Variants in ABHD6 observed in about 807,000 individuals in gnomAD.
ABHD6 encodes monoacylglycerol lipase ABHD6.
In ABHD6, 33 loss-of-function variants were observed where a neutral mutation model predicts 38.8. That is an observed-to-expected ratio of 0.85 (90% CI 0.64 to 1.14). ABHD6 has a LOEUF of 1.14. Among genes scored for constraint, ABHD6 ranks in the 50% most tolerant of loss-of-function variants. ABHD6 has a pLI of 0.00. For missense variants in ABHD6, 380 were observed against 422.6 expected, an observed-to-expected ratio of 0.90 and a Z score of 0.88; for synonymous variants, 147 against 161.6, an observed-to-expected ratio of 0.91 and a Z score of 0.69.
intron 1 of ABHD6, among the ~76,000 whole-genome samples, chr3:58,246,111 A>T (rs2097426218): frequency 6.6e-6 from 1 of 152,186 alleles, no homozygotes; most frequent in Admixed American, 6.5e-5. Context: ...GAAACGTTCA[A>T]ATCAAAGCCT....
At chr3:58,277,112 C>T (rs2097449310) in intron 7 of ABHD6, among the ~76,000 whole-genome samples, 1 of 152,012 alleles carries the variant, frequency 6.6e-6, no homozygotes, top group Non-Finnish European at 1.5e-5. Context: ...TTTTTGGTTC[C>T]ATATGAACTT....
chr3:58,245,348 T>C (rs2097425548), intron 1 of ABHD6, among the ~76,000 whole-genome samples: 1 of 152,130 alleles, frequency 6.6e-6, no homozygotes, highest in Non-Finnish European at 1.5e-5. Flanking sequence ...GTATTTTTAG[T>C]AGAGACAGGA....
At chr3:58,268,089 A>T (rs1047311868) in intron 4 of ABHD6, among the ~76,000 whole-genome samples, 3 of 152,138 alleles carry the variant, frequency 2.0e-5, no homozygotes, top group Admixed American at 2.0e-4. Flanking sequence ...ACAAACAAAC[A>T]AACTAATGCA....
At position 58,271,043 on chromosome 3, in the gene ABHD6, C is replaced by T; in HGVS notation, c.502C>T (p.Leu168=). Reference sequence around the variant, plus strand: ...TTACTACCCATCGGATGTCTCCAGCCTGTGTCTCGTGTGTCCTGCTGGTAA... The same window carrying T: ...TTACTACCCATCGGATGTCTCCAGCTTGTGTCTCGTGTGTCCTGCTGGTAA... ...AAYYPSDVSS[L]CLVCPAGLQY... is the part of the protein sequence containing the mutation. Residue 168 remains leucine (L), a synonymous_variant, in exon 6 of 10, where the codon CTG becomes TTG. Transcript: ENST00000478253. The T allele has an allele frequency of 6.2e-7, 1 of 1,609,108 alleles. No individual in the cohort carries two copies. Among genetic ancestry groups the T allele is most frequent in the South Asian group, 1.1e-5 (1 of 90,216 alleles).
chr3:58,264,348 T>C (rs1239168448), intron 3 of ABHD6, among the ~76,000 whole-genome samples: 4 of 150,678 alleles, frequency 2.7e-5, no homozygotes, highest in African/African-American at 9.7e-5. Context: ...CCAGATTGCT[T>C]TCTTAGAAAG....
chr3:58,254,888 A>G (rs572208921), intron 2 of ABHD6, among the ~76,000 whole-genome samples: 1 of 151,776 alleles, frequency 6.6e-6, no homozygotes, highest in South Asian at 2.1e-4. Flanking sequence ...ACACACATAT[A>G]TATATATAAA....
chr3:58,292,431 G>T (rs1041983256), intron 9 of ABHD6, among the ~76,000 whole-genome samples: 1 of 152,186 alleles, frequency 6.6e-6, no homozygotes, highest in East Asian at 1.9e-4. Context: ...TTCTGAGGGA[G>T]GATGTTGGGG....
chr3:58,277,289 G>T (rs984741655), intron 7 of ABHD6, among the ~76,000 whole-genome samples: 2 of 152,128 alleles, frequency 1.3e-5, no homozygotes, highest in East Asian at 1.9e-4. Flanking sequence ...CTTTTATTTC[G>T]TTGAGCAGTG....
Position 58,266,218 on chromosome 3 carries a change from G to A in ABHD6, c.120-971G>A, listed in dbSNP as rs2097440807. 5.3e-5 allele frequency among the ~76,000 whole-genome samples: 8 copies of A among 152,186 alleles called. No homozygotes were observed. The highest frequency in any genetic ancestry group is 2.1e-4 in the South Asian group (1 of 4,832). ...AACCCAAGCACTTTGGGAGGCCAAC[G>A]TGGATGGATCACTTGAGGCCAGGAG... On this transcript the variant is annotated intron_variant, in intron 3 of 9. Transcript: ENST00000478253. This position sits in a 1 kb window ranked among gnomAD's most constrained non-coding sequence, Gnocchi z 4.0.
In ABHD6 at chr3:58,266,915, A is replaced by G. The variant is rs2097441378; in HGVS notation, c.120-274A>G. Among the ~76,000 whole-genome samples the G allele has an allele frequency of 6.6e-6, 1 of 152,234 alleles. No individual in the cohort carries two copies. Among genetic ancestry groups the G allele is most frequent in the African/African-American group, 2.4e-5 (1 of 41,464 alleles). Reference sequence around the variant, plus strand: ...TTATCAAAAGGTTATCATGTGTGGCATACTTCTTAAGAAAACACCGCATTT... The same window carrying G: ...TTATCAAAAGGTTATCATGTGTGGCGTACTTCTTAAGAAAACACCGCATTT... On this transcript the variant is annotated intron_variant, in intron 3 of 9. Coordinates refer to ENST00000478253, the MANE Select transcript of ABHD6 (RefSeq NM_001320126.2). This position sits in a 1 kb window ranked among gnomAD's most constrained non-coding sequence, Gnocchi z 4.0.
intron 2 of ABHD6, among the ~76,000 whole-genome samples, chr3:58,252,188 A>G (rs371763745): frequency 1.4e-5 from 2 of 141,330 alleles, no homozygotes; most frequent in Non-Finnish European, 3.0e-5. Flanking sequence ...TGCTATATTC[A>G]TGTGTCACCT....
intron 3 of ABHD6, among the ~76,000 whole-genome samples, chr3:58,260,645 G>A (rs956597989): frequency 1.6e-4 from 24 of 152,192 alleles, no homozygotes; most frequent in Non-Finnish European, 7.4e-5. Flanking sequence ...TCATTTGCTC[G>A]GCTGCCAGTG....
At chr3:58,290,818 G>A (rs1026612193) in intron 9 of ABHD6, among the ~76,000 whole-genome samples, 1 of 150,614 alleles carries the variant, frequency 6.6e-6, no homozygotes, top group African/African-American at 2.4e-5. Flanking sequence ...TCCTAGATGG[G>A]ATGGCGGCCG....
chr3:58,268,618 C>G (rs2097442672), intron 4 of ABHD6, among the ~76,000 whole-genome samples: 1 of 152,188 alleles, frequency 6.6e-6, no homozygotes, highest in Admixed American at 6.5e-5. Context: ...CACACACCCT[C>G]TAGTTAGTTG....
intron 9 of ABHD6, among the ~76,000 whole-genome samples, chr3:58,291,223 C>A (rs989361550): frequency 1.3e-5 from 2 of 150,368 alleles, no homozygotes; most frequent in African/African-American, 4.9e-5. Context: ...CAAAAAAATA[C>A]GAAAACCAGT....
Position 58,293,572 on chromosome 3 carries a change from C to T in ABHD6, c.838-17C>T, listed in dbSNP as rs771020472. 3 of 1,613,030 alleles carry T rather than the reference C, an allele frequency of 1.9e-6. No individual in the cohort carries two copies. The highest frequency in any genetic ancestry group is 2.7e-5 in the African/African-American group (2 of 74,896). Reference sequence around the variant, plus strand: ...TGAATCTTTGTGTATCATCCAGCTCCCTTTCTTGCCCAGCAGGTGCTGGAT... The same window carrying T: ...TGAATCTTTGTGTATCATCCAGCTCTCTTTCTTGCCCAGCAGGTGCTGGAT... On this transcript the variant is annotated splice_polypyrimidine_tract_variant and intron_variant, in intron 9 of 9. Transcript: ENST00000478253. This position sits in a 1 kb window ranked among gnomAD's most constrained non-coding sequence, Gnocchi z 4.4.
At chr3:58,243,630 C>T (rs766361205) in intron 1 of ABHD6, among the ~76,000 whole-genome samples, 11 of 151,708 alleles carry the variant, frequency 7.3e-5, no homozygotes, top group Non-Finnish European at 1.5e-4. Context: ...ATCTGATTCT[C>T]CGCAGTTTCC....
In ABHD6 at chr3:58,269,243, A is replaced by C; in HGVS notation, c.277-78A>C. 1 of 1,083,718 alleles carries C rather than the reference A, an allele frequency of 9.2e-7. No individual in the cohort carries two copies. The highest frequency in any genetic ancestry group is 1.3e-5 in the South Asian group (1 of 74,100). The allele number at this position is 1,083,718 out of a possible 1,614,324, so 67.1% of individuals were successfully genotyped here. A position where few individuals can be genotyped will look rare whatever the true frequency, so the allele number is the denominator to read the frequency against. ...GGGATGGCTGTCTGGGTCACTGTACATGGGGCAACCTCCCAAGAAAATGGG... is the reference window on the plus strand; with the variant it reads ...GGGATGGCTGTCTGGGTCACTGTACCTGGGGCAACCTCCCAAGAAAATGGG... On this transcript the variant is annotated intron_variant, in intron 4 of 9. Coordinates refer to ENST00000478253, the MANE Select transcript of ABHD6 (RefSeq NM_001320126.2). The surrounding 1 kb of genome is among the most constrained non-coding windows in gnomAD (Gnocchi z 4.4).
Position 58,290,304 on chromosome 3 carries a change from C to A in ABHD6, c.838-3285C>A, listed in dbSNP as rs1432928469. 4.9e-5 allele frequency among the ~76,000 whole-genome samples: 7 copies of A among 142,242 alleles called. 1 individual carries two copies. Among genetic ancestry groups the A allele is most frequent in the African/African-American group, 1.6e-4 (6 of 38,282 alleles). The allele number at this position is 142,242 out of a possible 152,430, so 93.3% of individuals were successfully genotyped here. A position where few individuals can be genotyped will look rare whatever the true frequency, so the allele number is the denominator to read the frequency against. ...CTGGCCGGGCGGGGGGCTGACCCCC[C>A]CCACCTCCCTCCCGGACGGGGCGGC... On this transcript the variant is annotated intron_variant, in intron 9 of 9. Coordinates refer to ENST00000478253, the MANE Select transcript of ABHD6 (RefSeq NM_001320126.2).
Sources: allele counts gnomAD v4.1 joint callset (sites outside exome capture counted in the v4.1 genomes callset), GRCh38; gene constraint gnomAD v4.1.1; non-coding constraint Gnocchi (gnomAD v3.1); transcripts MANE v1.5; gene names NCBI Gene and HGNC (gene_info 2026-07-23, HGNC 2026-07-21).